PTPRQ: variants seen among roughly 807,000 people sequenced by gnomAD.
PTPRQ encodes phosphatidylinositol phosphatase PTPRQ.
Under a neutral mutation model 246.0 loss-of-function variants are expected in PTPRQ, and 199 were observed. That is an observed-to-expected ratio of 0.81 (90% CI 0.72 to 0.91). The LOEUF is 0.91. Among genes scored for constraint, PTPRQ ranks in the 40% least tolerant of loss-of-function variants. The pLI, the probability that PTPRQ is intolerant of heterozygous loss-of-function variation, is 0.00. For missense variants in PTPRQ, 2,624 were observed against 2,528.4 expected (o/e 1.04, Z -0.81); for synonymous variants, 869 against 853.2 (o/e 1.02, Z -0.32).
chr12:80,495,802 A>G (rs1281524373), intron 12 of PTPRQ, among the ~76,000 whole-genome samples, 197 bp from the exon 13 acceptor site: 1 of 152,010 alleles, frequency 6.6e-6, no homozygotes, highest in East Asian at 1.9e-4. Flanking sequence ...TTGCCTTAAT[A>G]TTTTAGGAGA....
chr12:80,587,835 A>G (rs1177061900), intron 25 of PTPRQ, among the ~76,000 whole-genome samples: 4 of 152,142 alleles, frequency 2.6e-5, no homozygotes, highest in Admixed American at 2.6e-4. Flanking sequence ...TGTAACAGTG[A>G]AATAGTTCTA....
At chr12:80,548,671 A>G (rs1896380458) in intron 24 of PTPRQ, among the ~76,000 whole-genome samples, 2 of 152,108 alleles carry the variant, frequency 1.3e-5, no homozygotes, top group African/African-American at 4.8e-5. Context: ...ACTGTGTCCC[A>G]ATTTTTCTTC....
intron 25 of PTPRQ, among the ~76,000 whole-genome samples, chr12:80,554,902 C>T (rs185917157): frequency 4.0e-4 from 61 of 152,102 alleles, no homozygotes; most frequent in African/African-American, 1.3e-3. Flanking sequence ...ACCACCATGA[C>T]CAGCTTATTT....
At chr12:80,558,704 AAACT>A (rs767629620) in intron 25 of PTPRQ, among the ~76,000 whole-genome samples, 32 of 152,166 alleles carry the variant, frequency 2.1e-4, no homozygotes, top group Admixed American at 5.9e-4. Context: ...AGAAACTGAC[AAACT>A]GTTTTCCAAA....
At chr12:80,472,016 G>T in intron 7 of PTPRQ, 89 bp from the exon 8 acceptor site, 12 of 1,482,814 alleles carry the variant, frequency 8.1e-6, no homozygotes, top group Non-Finnish European at 1.1e-5. Context: ...GTTAACACTT[G>T]AATTGTTGTC....
intron 35 of PTPRQ, among the ~76,000 whole-genome samples, chr12:80,640,025 C>CAT: frequency 7.0e-6 from 1 of 143,008 alleles, no homozygotes; most frequent in South Asian, 2.3e-4. Flanking sequence ...TGAAGATACA[C>CAT]GTGTGTGTGT....
chr12:80,448,198 T>C (rs182663004), intron 3 of PTPRQ, among the ~76,000 whole-genome samples: 50 of 152,236 alleles, frequency 3.3e-4, no homozygotes, highest in African/African-American at 1.2e-3. Context: ...CTGAATGTTA[T>C]TGGTGTATAG....
intron 8 of PTPRQ, among the ~76,000 whole-genome samples, chr12:80,476,805 G>A (rs751584966): frequency 6.6e-6 from 1 of 151,974 alleles, no homozygotes; most frequent in African/African-American, 2.4e-5. Flanking sequence ...TGATAATAAG[G>A]GATCATAATT....
At chr12:80,469,046 T>C (rs1458884111) in intron 7 of PTPRQ, among the ~76,000 whole-genome samples, 1 of 152,218 alleles carries the variant, frequency 6.6e-6, no homozygotes, top group African/African-American at 2.4e-5. Context: ...ACTATTCATG[T>C]TCCACATTTC....
chr12:80,553,135 G>A (rs1033898881), intron 25 of PTPRQ, among the ~76,000 whole-genome samples: 5 of 151,996 alleles, frequency 3.3e-5, no homozygotes, highest in Non-Finnish European at 5.9e-5. Flanking sequence ...ATTTTTCATA[G>A]AGGTTTTTAC....
intron 3 of PTPRQ, among the ~76,000 whole-genome samples, chr12:80,452,299 G>A (rs1186930976): frequency 6.6e-6 from 1 of 151,432 alleles, no homozygotes; most frequent in Non-Finnish European, 1.5e-5. Flanking sequence ...GCACACTGAT[G>A]GGTCTTGACT....
At chr12:80,652,481 T>C (rs1402760793) in intron 37 of PTPRQ, among the ~76,000 whole-genome samples, 1 of 152,080 alleles carries the variant, frequency 6.6e-6, no homozygotes, top group Non-Finnish European at 1.5e-5. Context: ...CTAACATGGT[T>C]GCCACATCTT....
chr12:80,541,817 C>T lies in PTPRQ; in HGVS notation c.3417C>T (p.Ala1139=). 6.5e-7 allele frequency: 1 copy of T among 1,548,578 alleles called. No homozygotes were observed. The highest frequency in any genetic ancestry group is 8.7e-7 in the Non-Finnish European group (1 of 1,145,672). The change falls in exon 21 of 45, where the codon GCC becomes GCT. Residue 1139 remains alanine, a synonymous_variant. Transcript: ENST00000644991. ...AGGGATTCTCTGATACCTATACTGC[C>T]CAGCTATACATCAAGACTGAAGAAG... is the stretch of plus-strand genomic sequence containing the variant. ...TEKGFSDTYT[A]QLYIKTEEDV...
rs1340215301 is a variant in PTPRQ at position 80,506,221 on chromosome 12, C to T, written c.2455+15C>T. 5.5e-6 allele frequency: 8 copies of T among 1,448,258 alleles called. No homozygotes were observed. The African/African-American group carries it at 1.0e-4, about 19-fold the overall frequency. The allele number at this position is 1,448,258 out of a possible 1,614,324, so 89.7% of individuals were successfully genotyped here. A position where few individuals can be genotyped will look rare whatever the true frequency, so the allele number is the denominator to read the frequency against. On this transcript the variant is annotated intron_variant, in intron 15 of 44. Coordinates refer to ENST00000644991, the MANE Select transcript of PTPRQ (RefSeq NM_001145026.2). Reference sequence around the variant, plus strand: ...AAACATTAAAGGTAAAAGAACAAATCTAATATTGGATATTTGCATTTATAA... The same window carrying T: ...AAACATTAAAGGTAAAAGAACAAATTTAATATTGGATATTTGCATTTATAA...
chr12:80,513,097 AG>A (rs973166827), intron 17 of PTPRQ, among the ~76,000 whole-genome samples: 2 of 152,046 alleles, frequency 1.3e-5, no homozygotes, highest in African/African-American at 2.4e-5. Context: ...AGCCATCCGT[AG>A]GGGGCTTGTG....
At chr12:80,593,816 T>C (rs1178197164) in intron 26 of PTPRQ, 1 of 152,118 alleles carries the variant, frequency 6.6e-6, no homozygotes. Flanking sequence ...GCACAATAGA[T>C]ACTTATGCTG....
intron 6 of PTPRQ, among the ~76,000 whole-genome samples, chr12:80,463,942 A>G (rs28888790): frequency 0.078 from 11,750 of 151,192 alleles, 560 homozygotes; most frequent in East Asian, 0.21. Flanking sequence ...ATCGAGACTA[A>G]GAAGAAACTG....
Position 80,610,527 on chromosome 12 carries a change from G to C in PTPRQ, c.4820G>C (p.Arg1607Thr), listed in dbSNP as rs1270818742. The C allele has an allele frequency of 2.0e-6, 3 of 1,534,276 alleles. No homozygotes were observed. Among genetic ancestry groups the C allele is most frequent in the Non-Finnish European group, 2.6e-6 (3 of 1,137,542 alleles). ...ATTAAAGATTTAGAAATATTCACAA[G>C]GTATTCTGTAGTGATCACTGCATTT... ...IEIKDLEIFT[R>T]YSVVITAFTG... The change falls in exon 28 of 45, where the codon AGG becomes ACG. Residue 1607 changes from arginine (R) to threonine (T), a missense_variant. Transcript: ENST00000644991.
chr12:80,584,412 T>C (rs956563413), intron 25 of PTPRQ, among the ~76,000 whole-genome samples: 1 of 152,184 alleles, frequency 6.6e-6, no homozygotes, highest in Non-Finnish European at 1.5e-5. Flanking sequence ...CCTAATTTCG[T>C]CTTTCCTGGA....
Sources: allele counts gnomAD v4.1 joint callset (sites outside exome capture counted in the v4.1 genomes callset), GRCh38; gene constraint gnomAD v4.1.1; transcripts MANE v1.5; gene names NCBI Gene and HGNC (gene_info 2026-07-23, HGNC 2026-07-21).